TRIP12: variants seen among roughly 807,000 people sequenced by gnomAD.
The protein encoded by TRIP12 is thyroid hormone receptor interactor 12.
TRIP12 carries 25 observed loss-of-function variants against 244.2 expected under a neutral mutation model. The observed-to-expected ratio is 0.10, with a 90% CI of 0.07 to 0.14. TRIP12 has a LOEUF of 0.14. Among genes scored for constraint, TRIP12 ranks in the 10% least tolerant of loss-of-function variants. TRIP12 has a pLI of 1.00. For synonymous variants in TRIP12, 905 were observed against 873.1 expected, an observed-to-expected ratio of 1.04 and a Z score of -0.64; for missense variants, 1,677 against 2,486.4, an observed-to-expected ratio of 0.67 and a Z score of 6.92.
At chr2:229,790,032 C>T (rs191253664) in intron 30 of TRIP12, among the ~76,000 whole-genome samples, 12 of 152,194 alleles carry the variant, frequency 7.9e-5, no homozygotes, top group African/African-American at 2.9e-4. Context: ...CTCCTTTATA[C>T]CAGAAACAAT....
intron 21 of TRIP12, 88 bp downstream of exon 21, chr2:229,802,164 G>T: frequency 3.1e-6 from 3 of 977,874 alleles, no homozygotes; most frequent in African/African-American, 1.7e-5. Flanking sequence ...ATGCTAATAT[G>T]TTACCATTTT....
chr2:229,858,061 C>G (rs2059906718), intron 4 of TRIP12, among the ~76,000 whole-genome samples: 1 of 152,064 alleles, frequency 6.6e-6, no homozygotes, highest in African/African-American at 2.4e-5. Context: ...TCAAGAATAT[C>G]TCATATAAAA....
In TRIP12 at chr2:229,806,623, G is replaced by C. The variant is rs554424668; in HGVS notation, c.2497-740C>G. ...CTAAAAAGAAGACGACTTAGAGTTA[G>C]AGACCAGGACCACTATTAGCAGGAT... On this transcript the variant is annotated intron_variant, in intron 17 of 41. Transcript: ENST00000675903. Among the ~76,000 whole-genome samples, 4 of 152,310 alleles carry C rather than the reference G, an allele frequency of 2.6e-5. No homozygotes were observed. In the South Asian group the frequency reaches 8.3e-4, roughly 32 times the overall value.
intron 1 of TRIP12, among the ~76,000 whole-genome samples, chr2:229,914,465 G>A (rs1426404230): frequency 6.6e-6 from 1 of 152,190 alleles, no homozygotes; most frequent in Non-Finnish European, 1.5e-5. Flanking sequence ...AAAAAAAGTA[G>A]GGGACATTCA....
At chr2:229,922,759 T>G, upstream of TRIP12, 2 of 738,830 alleles carry the variant, frequency 2.7e-6, no homozygotes, top group Non-Finnish European at 4.4e-6. Flanking sequence ...CCTCGTCACC[T>G]CGGCCTCCTC....
chr2:229,918,339 C>T (rs970850715), intron 1 of TRIP12, among the ~76,000 whole-genome samples: 4 of 152,220 alleles, frequency 2.6e-5, no homozygotes, highest in Middle Eastern at 3.4e-3. Context: ...TGACTTGAGT[C>T]CATCAAATAG....
At position 229,903,018 on chromosome 2, in the gene TRIP12, C is replaced by CTTTTTTT. The variant is rs57794819; in HGVS notation, c.-50+18855_-50+18861dup. On this transcript the variant is annotated intron_variant, in intron 1 of 41. Transcript: ENST00000675903. ...GGTTTTTTTTTCTTTTTCTTTTTTT[C>CTTTTTTT]TTTTTTTTTTTTTTTTTTGCCAGAA... Among the ~76,000 whole-genome samples, 71 of 104,858 alleles carry CTTTTTTT rather than the reference C, an allele frequency of 6.8e-4. 1 individual carries two copies. The highest frequency in any genetic ancestry group is 1.5e-3 in the East Asian group (6 of 3,878). The allele number at this position is 104,858 out of a possible 152,430, so 68.8% of individuals were successfully genotyped here.
intron 17 of TRIP12, among the ~76,000 whole-genome samples, chr2:229,806,961 A>C (rs1014131538): frequency 1.3e-5 from 2 of 152,212 alleles, no homozygotes; most frequent in African/African-American, 4.8e-5. Context: ...ATGGCATCAC[A>C]AATAACACAG....
chr2:229,863,196 T>A (rs1217370002), intron 2 of TRIP12, among the ~76,000 whole-genome samples: 1 of 140,466 alleles, frequency 7.1e-6, no homozygotes, highest in Non-Finnish European at 1.5e-5. Context: ...GTCACTGTAC[T>A]CCAGCCTGGG....
At chr2:229,773,246 T>C (rs1290746625) in intron 38 of TRIP12, among the ~76,000 whole-genome samples, 2 of 151,998 alleles carry the variant, frequency 1.3e-5, no homozygotes, top group African/African-American at 2.4e-5. Context: ...TGGCTAATTT[T>C]TGTATTTTTA....
At chr2:229,844,364 A>G (rs553432882) in intron 4 of TRIP12, among the ~76,000 whole-genome samples, 1 of 152,364 alleles carries the variant, frequency 6.6e-6, no homozygotes, top group African/African-American at 2.4e-5. Context: ...GTCACTACCA[A>G]TACTGGAATG....
At chr2:229,910,188 G>A (rs948518793) in intron 1 of TRIP12, among the ~76,000 whole-genome samples, 4 of 152,112 alleles carry the variant, frequency 2.6e-5, no homozygotes, top group Admixed American at 1.3e-4. Flanking sequence ...CTTTACAACT[G>A]TCTGAAGAAA....
chr2:229,849,682 G>C (rs912795881), intron 4 of TRIP12, among the ~76,000 whole-genome samples: 1 of 151,960 alleles, frequency 6.6e-6, no homozygotes, highest in Non-Finnish European at 1.5e-5. Context: ...AGGCAACATA[G>C]TGAGACCTCA....
intron 6 of TRIP12, among the ~76,000 whole-genome samples, chr2:229,832,357 A>G (rs1013224491): frequency 2.6e-5 from 4 of 152,236 alleles, no homozygotes; most frequent in African/African-American, 9.6e-5. Flanking sequence ...GACTACATAA[A>G]GCATAAAACA....
intron 5 of TRIP12, among the ~76,000 whole-genome samples, chr2:229,838,673 C>G (rs1416494326): frequency 6.6e-6 from 1 of 152,068 alleles, no homozygotes; most frequent in Non-Finnish European, 1.5e-5. Context: ...CAGACTAAAC[C>G]TTGAGTAATT....
At chr2:229,818,311 G>C in intron 9 of TRIP12, 53 bp downstream of exon 9, 1 of 1,572,772 alleles carries the variant, frequency 6.4e-7, no homozygotes, top group South Asian at 1.2e-5. Flanking sequence ...TACAAAATCG[G>C]CAGATTTCAG....
chr2:229,785,863 GA>G lies in TRIP12; in HGVS notation c.4996-9del. 6.2e-7 allele frequency: 1 copy of G among 1,608,054 alleles called. No individual in the cohort carries two copies. Among genetic ancestry groups the G allele is most frequent in the Non-Finnish European group, 8.5e-7 (1 of 1,177,548 alleles). On this transcript the variant is annotated splice_polypyrimidine_tract_variant and intron_variant, in intron 33 of 41. Transcript: ENST00000675903. The stretch of plus-strand genomic sequence containing the variant: ...CTCTCGGTTCACAGTACGCTACAAA[GA>G]AAGTACAACTGTCAGGAAACTATGC...
intron 39 of TRIP12, among the ~76,000 whole-genome samples, chr2:229,769,698 A>G (rs554912201): frequency 6.6e-6 from 1 of 152,186 alleles, no homozygotes; most frequent in South Asian, 2.1e-4. Flanking sequence ...GGCTTTCAGA[A>G]ACACAAAGGT....
At position 229,764,917 on chromosome 2, in the gene TRIP12, A is replaced by C. The variant is rs1357347304; in HGVS notation, c.*2637T>G. ...ATGCAGGGAACCAGAGACAAGCATG[A>C]GAAGAGAAAAATCTGCGTTTCTTAC... On this transcript the variant is annotated 3_prime_UTR_variant, in exon 42 of 42. Transcript: ENST00000675903. 3 of 152,212 alleles carry C rather than the reference A, an allele frequency of 2.0e-5. No individual in the cohort carries two copies. Among genetic ancestry groups the C allele is most frequent in the Non-Finnish European group, 2.9e-5 (2 of 68,030 alleles). The allele number at this position is 152,212 out of a possible 1,614,324, so 9.4% of individuals were successfully genotyped here.
Sources: allele counts gnomAD v4.1 joint callset (sites outside exome capture counted in the v4.1 genomes callset), GRCh38; gene constraint gnomAD v4.1.1; transcripts MANE v1.5; gene names NCBI Gene and HGNC (gene_info 2026-07-23, HGNC 2026-07-21).